The following ZNF726 variants were observed in gnomAD, a reference collection of about 807,000 sequenced individuals.
ZNF726 encodes the protein zinc finger protein 726.
A neutral mutation model predicts 11.6 loss-of-function variants in ZNF726; 15 were observed. The ratio of observed to expected loss-of-function variants is 1.29; its 90% CI spans 0.86 to 1.99. The LOEUF (loss-of-function observed/expected upper bound fraction) is 1.99, where lower values mean the gene tolerates loss of function less well. Ranked by LOEUF, ZNF726 falls within the 30% of genes most tolerant of loss-of-function variation. ZNF726 has a pLI of 0.00. For missense variants in ZNF726, 890 were observed against 725.6 expected (o/e 1.23, Z -2.60); for synonymous variants, 295 against 243.6 (o/e 1.21, Z -1.96).
chr19:23,928,824 G>A (rs1968043068), intron 3 of ZNF726: 1 of 151,786 alleles, frequency 6.6e-6, no homozygotes, highest in African/African-American at 2.4e-5. Context: ...TTTGAGATAG[G>A]TCTCACTCTG....
In ZNF726 at chr19:23,933,962, A is replaced by G. The variant is rs781176342; in HGVS notation, c.1846A>G (p.Thr616Ala). ...CCTTTTTAAGCATAAGAGGATTCAT[A>G]CTTGAGAGAAACCTTAAAAAGGGTA... ...STLFKHKRIH[T>A] Residue 616 changes from threonine to alanine, a missense_variant, in exon 4 of 4, where the codon ACT becomes GCT. By Grantham distance (58) the Thr-to-Ala change is moderately conservative. Transcript: ENST00000594466. 9 of 1,576,536 alleles carry G rather than the reference A, an allele frequency of 5.7e-6. No individual in the cohort carries two copies. The highest frequency in any genetic ancestry group is 5.6e-5 in the Admixed American group (3 of 53,882).
chr19:23,930,647 A>G (rs1968084160), intron 3 of ZNF726, among the ~76,000 whole-genome samples: 1 of 151,982 alleles, frequency 6.6e-6, no homozygotes. Flanking sequence ...TTTGTTGTGA[A>G]TGGTTTTCTA....
chr19:23,933,382 G>A lies in ZNF726; in HGVS notation c.1266G>A (p.Glu422=). The change falls in exon 4 of 4, where the codon GAG becomes GAA. Residue 422 remains glutamate, a synonymous_variant. Coordinates refer to ENST00000594466, the MANE Select transcript of ZNF726 (RefSeq NM_001244038.2). ...AACATAAGATAATTCATACTGGAGA[G>A]AAACCTTACAAGTGTGAAGAATGCG... The part of the protein sequence containing the change: ...LTKHKIIHTG[E]KPYKCEECGK... 2 of 1,612,768 alleles carry A rather than the reference G, an allele frequency of 1.2e-6. No individual in the cohort carries two copies. The highest frequency in any genetic ancestry group is 1.3e-5 in the African/African-American group (1 of 74,926).
chr19:23,941,211 G>T (rs1284998518), intron 3 of ZNF726, among the ~76,000 whole-genome samples: 3 of 152,036 alleles, frequency 2.0e-5, no homozygotes, highest in Admixed American at 6.6e-5. Flanking sequence ...TTTGTCAAAT[G>T]GTTTTTCTGC....
At position 23,919,415 on chromosome 19, in the gene ZNF726, G is replaced by C. The variant is rs947835568; in HGVS notation, c.46G>C (p.Glu16Gln). Reference sequence around the variant, plus strand: ...GGATGTGGCCATAGAATTCTCTCTGGAGGAGTGGCAGTGCCTGGACACTGC... The same window carrying C: ...GGATGTGGCCATAGAATTCTCTCTGCAGGAGTGGCAGTGCCTGGACACTGC... ...FRDVAIEFSL[E>Q]EWQCLDTAQK... The change falls in exon 2 of 4, where the codon GAG (glutamate) becomes CAG (glutamine). Residue 16 changes from glutamate (E) to glutamine (Q), a missense_variant. Physicochemically the swap from Glu to Gln is conservative, Grantham distance 29 (BLOSUM62 2). Coordinates refer to ENST00000594466, the MANE Select transcript of ZNF726 (RefSeq NM_001244038.2). The C allele has an allele frequency of 8.7e-6, 14 of 1,608,258 alleles. No homozygotes were observed. Among genetic ancestry groups the C allele is most frequent in the Non-Finnish European group, 1.2e-5 (14 of 1,176,498 alleles).
downstream of ZNF726, chr19:23,936,323 CATT>C (rs879714250): frequency 6.6e-6 from 1 of 152,092 alleles, no homozygotes; most frequent in Non-Finnish European, 1.5e-5. Context: ...TTCGTGTAAA[CATT>C]ATTTGTATAT....
Position 23,941,958 on chromosome 19 carries a change from T to C in ZNF726, c.227-1536T>C, listed in dbSNP as rs180706883. Among the ~76,000 whole-genome samples the C allele has an allele frequency of 5.5e-3, 839 of 152,232 alleles. 9 individuals carry two copies. The highest frequency in any genetic ancestry group is 0.019 in the African/African-American group (787 of 41,568). On this transcript the variant is annotated intron_variant, in intron 3 of 4. Transcript: ENST00000334589. ...CATTTACCTTTTTTATTTTTTCTTT[T>C]AATTTCAATTAGTTATGTTCTGATC...
downstream of ZNF726, among the ~76,000 whole-genome samples, chr19:23,938,408 T>A (rs1280605135): frequency 6.6e-6 from 1 of 152,048 alleles, no homozygotes; most frequent in African/African-American, 2.4e-5. Flanking sequence ...GGTGTCTAAT[T>A]TACTAGAAAA....
intron 3 of ZNF726, among the ~76,000 whole-genome samples, chr19:23,922,182 G>A (rs1186214039): frequency 6.6e-6 from 1 of 152,226 alleles, no homozygotes; most frequent in Non-Finnish European, 1.5e-5. Context: ...GACAGAGTGA[G>A]TATCCTTCAG....
intron 1 of ZNF726, among the ~76,000 whole-genome samples, chr19:23,916,092 G>T (rs1171098707): frequency 6.6e-6 from 1 of 152,076 alleles, no homozygotes; most frequent in Non-Finnish European, 1.5e-5. Context: ...GCCACTTAAT[G>T]GTTTTCACAC....
At chr19:23,937,352 G>T (rs1252336628), downstream of ZNF726, among the ~76,000 whole-genome samples, 2 of 151,844 alleles carry the variant, frequency 1.3e-5, no homozygotes, top group African/African-American at 2.4e-5. Flanking sequence ...CCCAGATGGG[G>T]TGGCTGCTGG....
chr19:23,924,807 A>T (rs1967943140), intron 3 of ZNF726, among the ~76,000 whole-genome samples: 1 of 152,070 alleles, frequency 6.6e-6, no homozygotes, highest in African/African-American at 2.4e-5. Context: ...GGTCAGGATT[A>T]CTTGACGCTG....
At chr19:23,934,911 A>G (rs1356257883), downstream of ZNF726, among the ~76,000 whole-genome samples, 1 of 152,240 alleles carries the variant, frequency 6.6e-6, no homozygotes, top group Non-Finnish European at 1.5e-5. Context: ...TGATAAAGCC[A>G]GAGCCAGCTG....
At chr19:23,943,482 C>G (rs1353976977) in intron 3 of ZNF726, 1 of 597,060 alleles carries the variant, frequency 1.7e-6, no homozygotes, top group Non-Finnish European at 3.1e-6. Flanking sequence ...TTACTTTTTT[C>G]TAACAAAACA....
chr19:23,923,367 C>A (rs989661384), intron 3 of ZNF726: 21 of 403,382 alleles, frequency 5.2e-5, no homozygotes, highest in Admixed American at 5.1e-4. Flanking sequence ...GATTGTACTG[C>A]ATTTTCTCTG....
At chr19:23,942,410 G>T (rs112955839) in intron 3 of ZNF726, among the ~76,000 whole-genome samples, 2 of 152,036 alleles carry the variant, frequency 1.3e-5, no homozygotes, top group Non-Finnish European at 2.9e-5. Flanking sequence ...AGTTCCATTC[G>T]CTGTTGAATA....
At chr19:23,921,528 T>G (rs1301388711) in intron 3 of ZNF726, 2 of 152,166 alleles carry the variant, frequency 1.3e-5, no homozygotes, top group Non-Finnish European at 2.9e-5. Flanking sequence ...AGAAATAAAA[T>G]ATTTTTAAAT....
chr19:23,915,060 C>A, intron 1 of ZNF726, 63 bp downstream of exon 1: 1 of 1,611,984 alleles, frequency 6.2e-7, no homozygotes, highest in Non-Finnish European at 8.5e-7. Flanking sequence ...CGGTGGGAAG[C>A]GGCAGTGGCG....
downstream of ZNF726, chr19:23,934,528 T>C (rs911859222): frequency 2.7e-6 from 1 of 365,788 alleles, no homozygotes. Flanking sequence ...TTATTGTTTA[T>C]TCTGTTCACT....
Sources: allele counts gnomAD v4.1 joint callset (sites outside exome capture counted in the v4.1 genomes callset), GRCh38; gene constraint gnomAD v4.1.1; transcripts MANE v1.5; gene names NCBI Gene and HGNC (gene_info 2026-07-23, HGNC 2026-07-21).